HHAT: variants seen among roughly 807,000 people sequenced by gnomAD.
HHAT encodes the protein hedgehog acyltransferase.
In HHAT, 47 loss-of-function variants were observed where a neutral mutation model predicts 70.8. The ratio of observed to expected loss-of-function variants is 0.66; its 90% CI spans 0.53 to 0.85. HHAT has a LOEUF of 0.85. Among genes scored for constraint, HHAT ranks in the 40% least tolerant of loss-of-function variants. HHAT has a pLI of 0.00. For missense variants in HHAT, 609 were observed against 604.8 expected, an observed-to-expected ratio of 1.01 and a Z score of -0.07; for synonymous variants, 228 against 247.6, an observed-to-expected ratio of 0.92 and a Z score of 0.74.
intron 3 of HHAT, among the ~76,000 whole-genome samples, chr1:210,384,379 T>C (rs147049966): frequency 6.6e-6 from 1 of 152,260 alleles, no homozygotes; most frequent in Non-Finnish European, 1.5e-5. Flanking sequence ...GGCTGAGCTG[T>C]TAAGGATTCT....
intron 9 of HHAT, among the ~76,000 whole-genome samples, chr1:210,559,898 A>C (rs1208535639): frequency 1.3e-5 from 2 of 152,196 alleles, no homozygotes; most frequent in East Asian, 3.9e-4. Flanking sequence ...TCCCAAAGAC[A>C]TTTCTAATGA....
In HHAT at chr1:210,394,182, C is replaced by T. The variant is rs143547147; in HGVS notation, c.274-6286C>T. On this transcript the variant is annotated intron_variant, in intron 4 of 11. Transcript: ENST00000261458. The stretch of plus-strand genomic sequence containing the variant: ...CTTCCTTGGCTCATTCCACCTCCTC[C>T]CATGGAGAGGTGACAGGTTATTTTT... Among the ~76,000 whole-genome samples the T allele has an allele frequency of 1.9e-3, 288 of 151,742 alleles. 5 individuals are homozygous for T. In the South Asian group the frequency reaches 0.042, roughly 22 times the overall value.
chr1:210,603,177 A>C (rs1664665537), intron 10 of HHAT, among the ~76,000 whole-genome samples: 1 of 152,272 alleles, frequency 6.6e-6, no homozygotes, highest in African/African-American at 2.4e-5. Flanking sequence ...ATCGGCTGCT[A>C]TCATGGCATT....
At chr1:210,473,738 GTCC>G (rs1455719155) in intron 8 of HHAT, among the ~76,000 whole-genome samples, 2 of 152,294 alleles carry the variant, frequency 1.3e-5, no homozygotes, top group Non-Finnish European at 1.5e-5. Context: ...CTTGATGACT[GTCC>G]TCTTCTTCTC....
At chr1:210,389,558 A>G (rs180821208) in intron 4 of HHAT, among the ~76,000 whole-genome samples, 105 of 152,230 alleles carry the variant, frequency 6.9e-4, no homozygotes, top group African/African-American at 2.5e-3. Flanking sequence ...TTCTTATGAG[A>G]TCTCGTTGTT....
intron 9 of HHAT, among the ~76,000 whole-genome samples, chr1:210,564,052 CA>C (rs2095647318): frequency 6.6e-6 from 1 of 151,936 alleles, no homozygotes; most frequent in Admixed American, 6.5e-5. Context: ...CTCCTGGGTT[CA>C]AGTGATTCTC....
chr1:210,550,784 C>T (rs1253755768), intron 9 of HHAT, among the ~76,000 whole-genome samples: 2 of 148,832 alleles, frequency 1.3e-5, no homozygotes, highest in Non-Finnish European at 2.9e-5. Context: ...ATTCTCCTGC[C>T]TCAGCCTCCC....
At chr1:210,375,245 A>G (rs1437489883) in intron 3 of HHAT, among the ~76,000 whole-genome samples, 2 of 152,176 alleles carry the variant, frequency 1.3e-5, no homozygotes, top group East Asian at 3.9e-4. Flanking sequence ...CTTCATCTCT[A>G]ATCCCTGAAA....
Position 210,374,047 on chromosome 1 carries a change from G to A in HHAT, c.159+11128G>A, listed in dbSNP as rs1422744923. On this transcript the variant is annotated intron_variant, in intron 3 of 11. Transcript: ENST00000261458. ...TGGAAAACAAGAGTTAACTGTCTTT[G>A]CAAGTTCTGTTACACAATGTTTAAA... is the stretch of plus-strand genomic sequence containing the variant. The A allele has an allele frequency of 7.2e-5, 11 of 152,316 alleles. No homozygotes were observed. In the East Asian group the frequency reaches 1.2e-3, roughly 16 times the overall value. 9.4% of individuals were successfully genotyped at this position (152,316 alleles called of 1,614,324 possible). A position where few individuals can be genotyped will look rare whatever the true frequency, so the allele number is the denominator to read the frequency against.
At chr1:210,531,863 T>G (rs1329427762) in intron 9 of HHAT, among the ~76,000 whole-genome samples, 2 of 152,212 alleles carry the variant, frequency 1.3e-5, no homozygotes, top group African/African-American at 4.8e-5. Context: ...AAAGGCTTGC[T>G]TAGTGGCAAG....
chr1:210,656,326 T>TGGCAC (rs1026402394), intron 11 of HHAT, among the ~76,000 whole-genome samples: 2 of 152,140 alleles, frequency 1.3e-5, no homozygotes, highest in African/African-American at 4.8e-5. Context: ...TTGTACGGCA[T>TGGCAC]GGCACCTGGA....
At chr1:210,424,568 AT>A (rs1323712710) in intron 7 of HHAT, among the ~76,000 whole-genome samples, 1 of 134,342 alleles carries the variant, frequency 7.4e-6, no homozygotes, top group Non-Finnish European at 1.6e-5. Context: ...CTCATTAGTT[AT>A]TTTTCCTGAT....
intron 1 of HHAT, among the ~76,000 whole-genome samples, chr1:210,345,202 A>G (rs1293361063): frequency 6.6e-6 from 1 of 152,122 alleles, no homozygotes; most frequent in Non-Finnish European, 1.5e-5. Context: ...CATCCTGTCC[A>G]GGGCTGGTTC....
intron 10 of HHAT, among the ~76,000 whole-genome samples, chr1:210,612,903 G>A (rs1666883332): frequency 6.6e-6 from 1 of 152,034 alleles, no homozygotes; most frequent in Non-Finnish European, 1.5e-5. Context: ...GTGCTTACTG[G>A]CCATTTGTAT....
chr1:210,444,527 TG>T (rs1243045018), intron 7 of HHAT, among the ~76,000 whole-genome samples: 1 of 148,606 alleles, frequency 6.7e-6, no homozygotes, highest in Non-Finnish European at 1.5e-5. Context: ...TTTCAGCTCC[TG>T]TTATTGGTCT....
intron 11 of HHAT, among the ~76,000 whole-genome samples, chr1:210,630,634 C>T (rs985061276): frequency 1.3e-5 from 2 of 152,188 alleles, no homozygotes; most frequent in Non-Finnish European, 2.9e-5. Flanking sequence ...GGGAACAGAT[C>T]TCTCCCACCC....
At chr1:210,380,034 G>A (rs1292013941) in intron 3 of HHAT, among the ~76,000 whole-genome samples, 2 of 152,092 alleles carry the variant, frequency 1.3e-5, no homozygotes, top group African/African-American at 4.8e-5. Context: ...CTCCACTTTT[G>A]GTATCTCTTC....
intron 5 of HHAT, among the ~76,000 whole-genome samples, chr1:210,404,107 A>G (rs2092218040): frequency 6.6e-6 from 1 of 152,194 alleles, no homozygotes; most frequent in Non-Finnish European, 1.5e-5. Context: ...GAAGCTGTCA[A>G]AGTATCCACT....
rs535720406 is a variant in HHAT at position 210,591,462 on chromosome 1, G to C, written c.1245+3363G>C. Among the ~76,000 whole-genome samples, 9 of 152,190 alleles carry C rather than the reference G, an allele frequency of 5.9e-5. No homozygotes were observed. The South Asian group carries it at 1.7e-3, about 28-fold the overall frequency. The stretch of plus-strand genomic sequence containing the variant: ...TATTTGTCTTTTGATGGACACTCAG[G>C]TTGCTTCCAAATCTTGGCTATTGTG... On this transcript the variant is annotated intron_variant, in intron 10 of 11. Coordinates refer to ENST00000261458, the MANE Select transcript of HHAT (RefSeq NM_018194.6).
Sources: allele counts gnomAD v4.1 joint callset (sites outside exome capture counted in the v4.1 genomes callset), GRCh38; gene constraint gnomAD v4.1.1; transcripts MANE v1.5; gene names NCBI Gene and HGNC (gene_info 2026-07-23, HGNC 2026-07-21).